The following TASP1 variants were observed in gnomAD, a reference collection of about 807,000 sequenced individuals.
The protein encoded by TASP1 is taspase 1.
TASP1 carries 16 observed loss-of-function variants against 56.6 expected under a neutral mutation model. The ratio of observed to expected loss-of-function variants is 0.28; its 90% confidence interval spans 0.19 to 0.43. The LOEUF (loss-of-function observed/expected upper bound fraction) is 0.43. Among genes scored for constraint, TASP1 ranks in the 20% least tolerant of loss-of-function variants. The pLI is 1.00. For missense variants in TASP1, 393 were observed against 511.6 expected (o/e 0.77, Z 2.24); for synonymous variants, 179 against 184.2 (o/e 0.97, Z 0.23).
intron 11 of TASP1, among the ~76,000 whole-genome samples, chr20:13,449,029 T>C (rs2146281210): frequency 6.6e-6 from 1 of 152,248 alleles, no homozygotes; most frequent in Middle Eastern, 3.4e-3. Flanking sequence ...GTTTAAAACA[T>C]GTATAGCATT....
At chr20:13,513,265 G>C (rs373202126) in intron 10 of TASP1, among the ~76,000 whole-genome samples, 1 of 152,068 alleles carries the variant, frequency 6.6e-6, no homozygotes, top group African/African-American at 2.4e-5. Flanking sequence ...ATATCTTTAA[G>C]CCAATAGTCT....
intron 11 of TASP1, among the ~76,000 whole-genome samples, chr20:13,472,715 C>T (rs1003402243): frequency 6.6e-6 from 1 of 151,238 alleles, no homozygotes; most frequent in Admixed American, 6.6e-5. Context: ...GTTTATGCAG[C>T]CAGCAGACAC....
chr20:13,414,458 C>T (rs562384713), intron 13 of TASP1, among the ~76,000 whole-genome samples: 1 of 152,228 alleles, frequency 6.6e-6, no homozygotes, highest in East Asian at 1.9e-4. Flanking sequence ...TGTGGAGAGA[C>T]ACTTAAAGAC....
In TASP1 at chr20:13,623,993, A is replaced by G. The variant is rs575817512; in HGVS notation, c.214-479T>C. ...ATAAAAGCATACATTTGACAAAAACATTTTGGATACTATAATGTAAATTCT... is the reference window on the plus strand; with the variant it reads ...ATAAAAGCATACATTTGACAAAAACGTTTTGGATACTATAATGTAAATTCT... On this transcript the variant is annotated intron_variant, in intron 3 of 13. Transcript: ENST00000337743. Among the ~76,000 whole-genome samples the G allele has an allele frequency of 2.0e-5, 3 of 152,326 alleles. No individual in the cohort carries two copies. In the South Asian group the frequency reaches 6.2e-4, roughly 32 times the overall value.
chr20:13,108,984 A>T, the TASP1 span, among the ~76,000 whole-genome samples: 1 of 152,214 alleles, frequency 6.6e-6, no homozygotes, highest in East Asian at 1.9e-4. Context: ...AAGCTTAGGA[A>T]ATGCAAAAAA....
chr20:13,214,261 C>T, the TASP1 span, among the ~76,000 whole-genome samples: 169 of 152,272 alleles, frequency 1.1e-3, 1 homozygote, highest in Non-Finnish European at 2.0e-3. Flanking sequence ...GTGTGATGAA[C>T]TACCCTATTC....
At chr20:13,433,836 T>C (rs1269778190) in intron 12 of TASP1, among the ~76,000 whole-genome samples, 1 of 128,962 alleles carries the variant, frequency 7.8e-6, no homozygotes, top group East Asian at 2.1e-4. Context: ...CTATAGTGTT[T>C]GTATTAAAAA....
At chr20:13,465,178 CA>C (rs771255579) in intron 11 of TASP1, among the ~76,000 whole-genome samples, 4,769 of 57,164 alleles carry the variant, frequency 0.083, 46 homozygotes, top group Non-Finnish European at 0.11. Context: ...TTCTCTCTCC[CA>C]AAAAAAAAAA....
chr20:13,452,387 T>G (rs79634367), intron 11 of TASP1, among the ~76,000 whole-genome samples: 1 of 149,748 alleles, frequency 6.7e-6, no homozygotes, highest in African/African-American at 2.5e-5. Context: ...CTCAATGCTC[T>G]CCCAAGCAGT....
At chr20:13,361,190 C>G in the TASP1 span, among the ~76,000 whole-genome samples, 21 of 152,168 alleles carry the variant, frequency 1.4e-4, no homozygotes, top group African/African-American at 5.1e-4. Context: ...TCAACATGCC[C>G]TGAGTCAGAT....
At chr20:13,193,213 A>C in the TASP1 span, among the ~76,000 whole-genome samples, 1 of 152,244 alleles carries the variant, frequency 6.6e-6, no homozygotes, top group Non-Finnish European at 1.5e-5. Flanking sequence ...TACACTGAGA[A>C]GAAAACAATT....
the TASP1 span, among the ~76,000 whole-genome samples, chr20:13,342,258 C>T: frequency 6.6e-6 from 1 of 152,286 alleles, no homozygotes; most frequent in East Asian, 1.9e-4. Context: ...TCCAGCAGGG[C>T]GCATATCGCA....
intron 7 of TASP1, among the ~76,000 whole-genome samples, chr20:13,561,708 A>G (rs1257757663): frequency 6.6e-6 from 1 of 152,192 alleles, no homozygotes; most frequent in African/African-American, 2.4e-5. Context: ...TTAAAACACT[A>G]TCAGTCTGTT....
At chr20:13,483,974 C>T (rs938798949) in intron 10 of TASP1, among the ~76,000 whole-genome samples, 1 of 151,892 alleles carries the variant, frequency 6.6e-6, no homozygotes, top group Admixed American at 6.6e-5. Context: ...AAAAAACAAA[C>T]AACCCCATCA....
the TASP1 span, among the ~76,000 whole-genome samples, chr20:13,219,671 G>A: frequency 6.6e-6 from 1 of 152,128 alleles, no homozygotes; most frequent in Non-Finnish European, 1.5e-5. Context: ...ATAAGATGCT[G>A]GAGTTAGTTA....
At chr20:13,489,464 T>A (rs1568867737) in intron 10 of TASP1, among the ~76,000 whole-genome samples, 1 of 151,646 alleles carries the variant, frequency 6.6e-6, no homozygotes, top group South Asian at 2.1e-4. Flanking sequence ...GCAGCATGAC[T>A]GAGGGGTGAC....
At chr20:13,261,425 CAAA>C in the TASP1 span, among the ~76,000 whole-genome samples, 1 of 105,226 alleles carries the variant, frequency 9.5e-6, no homozygotes. Flanking sequence ...AACTCTGTCT[CAAA>C]AAAAAAAAAA....
chr20:13,250,159 G>T, the TASP1 span, among the ~76,000 whole-genome samples: 1 of 152,156 alleles, frequency 6.6e-6, no homozygotes, highest in South Asian at 2.1e-4. Flanking sequence ...GCCATGAAAC[G>T]ACCACGTTGA....
At chr20:13,468,767 A>G (rs1364457423) in intron 11 of TASP1, among the ~76,000 whole-genome samples, 1 of 152,154 alleles carries the variant, frequency 6.6e-6, no homozygotes, top group Non-Finnish European at 1.5e-5. Flanking sequence ...AACTAAAGGA[A>G]GAGACAAAAA....
Sources: allele counts gnomAD v4.1 joint callset (sites outside exome capture counted in the v4.1 genomes callset), GRCh38; gene constraint gnomAD v4.1.1; transcripts MANE v1.5; gene names NCBI Gene and HGNC (gene_info 2026-07-23, HGNC 2026-07-21).